The following MTA3 variants were observed in gnomAD, a reference collection of about 807,000 sequenced individuals.
MTA3 encodes metastasis-associated protein MTA3.
Under a neutral mutation model 83.5 loss-of-function variants are expected in MTA3, and 34 were observed. The observed-to-expected ratio is 0.41, with a 90% CI of 0.31 to 0.54. The LOEUF (loss-of-function observed/expected upper bound fraction) is 0.54, where lower values mean the gene tolerates loss of function less well. MTA3 is among the 20% of genes least tolerant of loss of function. The pLI is 0.33. For synonymous variants in MTA3, 303 were observed against 252.7 expected (o/e 1.20, Z -1.89); for missense variants, 761 against 726.4 (o/e 1.05, Z -0.55).
intron 2 of MTA3, among the ~76,000 whole-genome samples, chr2:42,511,222 G>A (rs1674879935): frequency 6.6e-6 from 1 of 151,988 alleles, no homozygotes; most frequent in South Asian, 2.1e-4. Context: ...CTTAATAATT[G>A]ATATACTCTT....
chr2:42,737,217 T>C (rs559394235), intron 16 of MTA3, among the ~76,000 whole-genome samples: 365 of 152,286 alleles, frequency 2.4e-3, no homozygotes, highest in African/African-American at 8.3e-3. Context: ...ATTGCAGTCC[T>C]TGTGGCCTAG....
chr2:42,701,131 C>T (rs566039479), intron 11 of MTA3, among the ~76,000 whole-genome samples: 12 of 151,608 alleles, frequency 7.9e-5, no homozygotes, highest in Non-Finnish European at 1.6e-4. Flanking sequence ...ATAAATAATA[C>T]ATTTTTATAA....
rs528285589 is a variant in MTA3 at position 42,658,931 on chromosome 2, CAAAA to C, written c.603-817_603-814del. The stretch of plus-strand genomic sequence containing the variant: ...CTACAGAAAATTTTTTTTAATTAGC[CAAAA>C]AAAAAAAAAAAAAATAGCTGGGCGT... On this transcript the variant is annotated intron_variant, in intron 7 of 16. Coordinates refer to ENST00000405094, the MANE Select transcript of MTA3 (RefSeq NM_001330442.2). Among the ~76,000 whole-genome samples the C allele has an allele frequency of 5.9e-3, 600 of 102,122 alleles. 7 individuals are homozygous for C. Among genetic ancestry groups the C allele is most frequent in the Admixed American group, 0.013 (127 of 9,852 alleles). 67.0% of individuals were successfully genotyped at this position (102,122 alleles called of 152,430 possible).
chr2:42,644,226 C>G lies in MTA3; in HGVS notation c.481C>G (p.Pro161Ala), dbSNP rs748935909. 1.2e-6 allele frequency: 2 copies of G among 1,609,196 alleles called. No individual in the cohort carries two copies. The highest frequency in any genetic ancestry group is 1.7e-6 in the Non-Finnish European group (2 of 1,177,762). Residue 161 changes from proline (P) to alanine (A), a missense_variant, in exon 6 of 17, where the codon CCA becomes GCA. Physicochemically the swap from Pro to Ala is conservative, Grantham distance 27 (BLOSUM62 -1). Transcript: ENST00000405094. ...RVGPRYQADI[P>A]EMLLEGESDE... ...GGGACCTAGATATCAAGCAGACATT[C>G]CAGAAATGCTGTTAGAAGGTACGTT...
At chr2:42,519,241 C>T (rs1000802889) in intron 2 of MTA3, among the ~76,000 whole-genome samples, 7 of 152,072 alleles carry the variant, frequency 4.6e-5, no homozygotes, top group African/African-American at 1.7e-4. Flanking sequence ...AAACATCAGA[C>T]AAATCCCAAT....
chr2:42,735,336 T>C (rs991901332), intron 16 of MTA3, among the ~76,000 whole-genome samples: 1 of 152,168 alleles, frequency 6.6e-6, no homozygotes, highest in African/African-American at 2.4e-5. Flanking sequence ...CTGCCAGACA[T>C]ATTGGATCTC....
upstream of MTA3, among the ~76,000 whole-genome samples, chr2:42,564,219 TA>T (rs1274183806): frequency 6.6e-6 from 1 of 152,218 alleles, no homozygotes; most frequent in African/African-American, 2.4e-5. Context: ...CATTATGACT[TA>T]GTCCCTTTTC....
chr2:42,677,803 A>T (rs376682328), intron 8 of MTA3, among the ~76,000 whole-genome samples: 111 of 152,134 alleles, frequency 7.3e-4, no homozygotes, highest in African/African-American at 2.5e-3. Context: ...TTCTTTTGTA[A>T]ATTTCCCAGT....
chr2:42,747,960 C>T (rs1669563674), intron 16 of MTA3, among the ~76,000 whole-genome samples: 1 of 152,094 alleles, frequency 6.6e-6, no homozygotes, highest in South Asian at 2.1e-4. Context: ...TCCCCATCTC[C>T]CCCACCTCAC....
Position 42,621,015 on chromosome 2 carries a change from A to G in MTA3, c.317+11431A>G, listed in dbSNP as rs531829209. Among the ~76,000 whole-genome samples the G allele has an allele frequency of 3.1e-4, 47 of 151,984 alleles. No homozygotes were observed. In the South Asian group the frequency reaches 6.9e-3, roughly 22 times the overall value. On this transcript the variant is annotated intron_variant, in intron 4 of 16. Coordinates refer to ENST00000405094, the MANE Select transcript of MTA3 (RefSeq NM_001330442.2). ...TCACAATGTAGACATACATCAAAAC[A>G]TCATGTTGTACACTGTAAATATACA...
Position 42,656,301 on chromosome 2 carries a change from C to T in MTA3, c.601C>T (p.Arg201Cys). Residue 201 changes from arginine to cysteine, a missense_variant and splice_region_variant, in exon 7 of 17, where the codon CGT becomes TGT. Physicochemically the swap from Arg to Cys is radical, Grantham distance 180 (BLOSUM62 -3). Transcript: ENST00000405094. Reference protein sequence around the residue: ...RQIDQFLVVARAVGTFARALD... With the variant: ...RQIDQFLVVACAVGTFARALD... ...GATTGACCAGTTTTTAGTTGTAGCA[C>T]GGTGAGTATGAGTATGGCATTATTG... The T allele has an allele frequency of 2.5e-6, 4 of 1,604,150 alleles. No individual in the cohort carries two copies. Among genetic ancestry groups the T allele is most frequent in the Non-Finnish European group, 2.6e-6 (3 of 1,171,348 alleles).
intron 3 of MTA3, among the ~76,000 whole-genome samples, chr2:42,579,427 ATAT>A (rs1679382099): frequency 1.5e-5 from 1 of 66,864 alleles, no homozygotes; most frequent in Admixed American, 2.0e-4. Flanking sequence ...ATATATATAT[ATAT>A]TTTTTTTTTT....
intron 14 of MTA3, among the ~76,000 whole-genome samples, chr2:42,713,551 A>G (rs1313952661): frequency 6.6e-6 from 1 of 152,216 alleles, no homozygotes; most frequent in Non-Finnish European, 1.5e-5. Flanking sequence ...AGTGGTTACA[A>G]ATCTCATCAC....
At chr2:42,634,341 G>A (rs1403618002) in intron 4 of MTA3, among the ~76,000 whole-genome samples, 1 of 152,166 alleles carries the variant, frequency 6.6e-6, no homozygotes, top group Admixed American at 6.5e-5. Flanking sequence ...CCGAGACTGG[G>A]TAATTTGTAA....
chr2:42,647,049 G>C (rs1044206177), intron 6 of MTA3, among the ~76,000 whole-genome samples: 2 of 150,416 alleles, frequency 1.3e-5, no homozygotes, highest in Non-Finnish European at 3.0e-5. Flanking sequence ...CCAGCTACTC[G>C]GGAGGCTGAG....
At chr2:42,625,365 C>T (rs1294021191) in intron 4 of MTA3, among the ~76,000 whole-genome samples, 1 of 151,590 alleles carries the variant, frequency 6.6e-6, no homozygotes, top group East Asian at 1.9e-4. Flanking sequence ...CTTTTTTTCC[C>T]TTTTTTGGAG....
chr2:42,689,084 T>C (rs186247877), intron 9 of MTA3, among the ~76,000 whole-genome samples: 13 of 152,284 alleles, frequency 8.5e-5, no homozygotes, highest in Non-Finnish European at 8.8e-5. Context: ...TATGCATCAG[T>C]TGTGATTATG....
intron 2 of MTA3, among the ~76,000 whole-genome samples, chr2:42,515,942 G>A (rs986710982): frequency 6.6e-6 from 1 of 150,942 alleles, no homozygotes; most frequent in Non-Finnish European, 1.5e-5. Flanking sequence ...CCGGGTTCAC[G>A]CCATTCTCCT....
chr2:42,594,731 T>A (rs1437216815), intron 3 of MTA3, among the ~76,000 whole-genome samples: 1 of 57,214 alleles, frequency 1.7e-5, no homozygotes, highest in African/African-American at 8.7e-5. Flanking sequence ...TATATATATT[T>A]TTTTTTTTTT....
Sources: allele counts gnomAD v4.1 joint callset (sites outside exome capture counted in the v4.1 genomes callset), GRCh38; gene constraint gnomAD v4.1.1; transcripts MANE v1.5; gene names NCBI Gene and HGNC (gene_info 2026-07-23, HGNC 2026-07-21).